LUZP2: variants seen among roughly 807,000 people sequenced by gnomAD.
The protein encoded by LUZP2 is leucine zipper protein 2.
Under a neutral mutation model 51.6 loss-of-function variants are expected in LUZP2, and 52 were observed. That is an observed-to-expected ratio of 1.01 (90% CI 0.81 to 1.27). LUZP2 has a LOEUF of 1.27. Among genes scored for constraint, LUZP2 ranks in the 50% most tolerant of loss-of-function variants. The pLI is 0.00. For synonymous variants in LUZP2, 154 were observed against 137.3 expected, an observed-to-expected ratio of 1.12 and a Z score of -0.85; for missense variants, 436 against 395.4, an observed-to-expected ratio of 1.10 and a Z score of -0.87.
intron 4 of LUZP2, among the ~76,000 whole-genome samples, chr11:24,740,718 A>G (rs1175921895): frequency 2.0e-5 from 3 of 152,128 alleles, no homozygotes; most frequent in African/African-American, 7.2e-5. Context: ...GATAGTAGAC[A>G]TTAAACTAAA....
chr11:24,722,067 A>G (rs913151382), intron 1 of LUZP2, among the ~76,000 whole-genome samples: 1 of 152,172 alleles, frequency 6.6e-6, no homozygotes. Context: ...AACACAGAAA[A>G]ATACAATTCC....
intron 7 of LUZP2, among the ~76,000 whole-genome samples, chr11:24,915,034 TTA>T (rs1376206293): frequency 6.6e-6 from 1 of 152,126 alleles, no homozygotes; most frequent in Non-Finnish European, 1.5e-5. Context: ...TTGAAAATTT[TTA>T]TGACTTAAAA....
At chr11:24,589,721 C>T (rs1049556958) in intron 1 of LUZP2, among the ~76,000 whole-genome samples, 1 of 152,158 alleles carries the variant, frequency 6.6e-6, no homozygotes, top group Admixed American at 6.6e-5. Context: ...AGTCAGGCCA[C>T]TGCTTGAAAT....
chr11:24,681,930 A>G (rs942004113), intron 1 of LUZP2, among the ~76,000 whole-genome samples: 6 of 152,322 alleles, frequency 3.9e-5, no homozygotes, highest in Admixed American at 2.6e-4. Flanking sequence ...TTAAAATGCA[A>G]AACATCTACA....
intron 1 of LUZP2, among the ~76,000 whole-genome samples, chr11:24,532,094 C>T (rs1202793519): frequency 6.6e-6 from 1 of 150,760 alleles, no homozygotes; most frequent in East Asian, 1.9e-4. Flanking sequence ...TAACCACATT[C>T]ACTTTAATCA....
At chr11:25,038,514 T>C (rs1370169756) in intron 9 of LUZP2, among the ~76,000 whole-genome samples, 1 of 152,212 alleles carries the variant, frequency 6.6e-6, no homozygotes, top group East Asian at 1.9e-4. Flanking sequence ...TGGGTCTTTC[T>C]AAAAATGGCA....
chr11:24,976,472 CTGT>C (rs550307415), intron 7 of LUZP2, 116 bp from the exon 8 acceptor site: 12,240 of 492,976 alleles, frequency 0.025, 40 homozygotes, highest in African/African-American at 0.042. Flanking sequence ...TTACAGGACA[CTGT>C]TTTTTTTTTT....
At chr11:24,514,827 C>T (rs914868681) in intron 1 of LUZP2, among the ~76,000 whole-genome samples, 4 of 152,164 alleles carry the variant, frequency 2.6e-5, no homozygotes, top group African/African-American at 9.7e-5. Flanking sequence ...GAGGTGAGGG[C>T]TGTTCTGTAA....
chr11:24,641,264 G>GA (rs35487487), intron 1 of LUZP2, among the ~76,000 whole-genome samples: 54,853 of 150,984 alleles, frequency 0.36, 10,322 homozygotes, highest in Middle Eastern at 0.45. Context: ...TTTTCTTAGT[G>GA]AAAAAATCCC....
intron 1 of LUZP2, among the ~76,000 whole-genome samples, chr11:24,569,879 A>ATTATT (rs71041781): frequency 0.42 from 63,093 of 151,470 alleles, 13,647 homozygotes; most frequent in African/African-American, 0.51. Flanking sequence ...TTTATAAGTA[A>ATTATT]TTATGGCTTT....
At chr11:24,681,743 A>T (rs1158917637) in intron 1 of LUZP2, among the ~76,000 whole-genome samples, 3 of 152,186 alleles carry the variant, frequency 2.0e-5, no homozygotes, top group African/African-American at 7.2e-5. Flanking sequence ...ATTAATATGA[A>T]ATGTTATAAA....
intron 10 of LUZP2, among the ~76,000 whole-genome samples, chr11:25,066,963 C>G (rs1034376456): frequency 6.6e-6 from 1 of 151,892 alleles, no homozygotes; most frequent in African/African-American, 2.4e-5. Flanking sequence ...GACATTGAAC[C>G]TACATATGGC....
chr11:24,854,955 C>G (rs961508973), intron 5 of LUZP2, among the ~76,000 whole-genome samples: 5 of 152,128 alleles, frequency 3.3e-5, no homozygotes, highest in Non-Finnish European at 7.4e-5. Context: ...CTCCGTGAGC[C>G]ACACCCACTG....
intron 1 of LUZP2, among the ~76,000 whole-genome samples, chr11:24,683,171 C>T (rs1217283190): frequency 1.3e-5 from 2 of 152,106 alleles, no homozygotes; most frequent in African/African-American, 4.8e-5. Flanking sequence ...GAAGACAGGC[C>T]GGCAGGCTAG....
chr11:24,895,062 C>T (rs1565069563), intron 5 of LUZP2, among the ~76,000 whole-genome samples: 1 of 152,122 alleles, frequency 6.6e-6, no homozygotes, highest in Non-Finnish European at 1.5e-5. Context: ...GAGAGATTCT[C>T]AAATTTTTAA....
At chr11:24,841,604 C>T (rs1358129111) in intron 5 of LUZP2, among the ~76,000 whole-genome samples, 2 of 152,026 alleles carry the variant, frequency 1.3e-5, no homozygotes, top group African/African-American at 4.8e-5. Context: ...ACACATGTAA[C>T]TTTAAATGCC....
At chr11:24,941,511 A>G (rs1028101675) in intron 7 of LUZP2, among the ~76,000 whole-genome samples, 1 of 152,160 alleles carries the variant, frequency 6.6e-6, no homozygotes, top group African/African-American at 2.4e-5. Flanking sequence ...AGCGTGTCCA[A>G]CACTGTTGGA....
intron 7 of LUZP2, among the ~76,000 whole-genome samples, chr11:24,916,658 A>G (rs1380867483): frequency 1.3e-5 from 2 of 152,186 alleles, no homozygotes; most frequent in South Asian, 2.1e-4. Context: ...TACAAAGGAC[A>G]TGAACTCATC....
rs1323759620 is a variant in LUZP2 at position 24,796,753 on chromosome 11, C to T, written c.396+33445C>T. On this transcript the variant is annotated intron_variant, in intron 5 of 11. Transcript: ENST00000336930. The stretch of plus-strand genomic sequence containing the variant: ...TTTTTAAGTGAAGTATTGCTTCACA[C>T]TTGACATGATTTAGATACTACACAA... Among the ~76,000 whole-genome samples the T allele has an allele frequency of 2.0e-5, 3 of 151,998 alleles. No individual in the cohort carries two copies. In the East Asian group the frequency reaches 5.8e-4, roughly 29 times the overall value.
Sources: allele counts gnomAD v4.1 joint callset (sites outside exome capture counted in the v4.1 genomes callset), GRCh38; gene constraint gnomAD v4.1.1; transcripts MANE v1.5; gene names NCBI Gene and HGNC (gene_info 2026-07-23, HGNC 2026-07-21).